The following UROC1 variants were observed in gnomAD, a reference collection of about 807,000 sequenced individuals.
The protein encoded by UROC1 is urocanate hydratase.
UROC1 carries 79 observed loss-of-function variants against 89.5 expected under a neutral mutation model. The ratio of observed to expected loss-of-function variants is 0.88; its 90% CI spans 0.74 to 1.06. The LOEUF (loss-of-function observed/expected upper bound fraction) is 1.06. UROC1 is among the 50% of genes least tolerant of loss of function. UROC1 has a pLI of 0.00. For missense variants in UROC1, 885 were observed against 907.8 expected, an observed-to-expected ratio of 0.97 and a Z score of 0.32; for synonymous variants, 361 against 354.8, an observed-to-expected ratio of 1.02 and a Z score of -0.20.
At chr3:126,500,301 C>T in intron 11 of UROC1, 147 bp from the exon 12 acceptor site, 1 of 774,810 alleles carries the variant, frequency 1.3e-6, no homozygotes, top group Non-Finnish European at 2.2e-6. Context: ...CACCACACAC[C>T]TGGAATGCCC....
intron 9 of UROC1, among the ~76,000 whole-genome samples, chr3:126,503,744 C>A (rs370734718): frequency 2.0e-5 from 3 of 152,260 alleles, no homozygotes; most frequent in African/African-American, 4.8e-5. Context: ...TGGCTGCAGC[C>A]GGCAATGACG....
chr3:126,496,130 G>C, intron 14 of UROC1, 22 bp from the exon 15 acceptor site: 1 of 1,609,960 alleles, frequency 6.2e-7, no homozygotes, highest in Non-Finnish European at 8.5e-7. Context: ...AGGACAGCAG[G>C]CGTCAGAGAC....
chr3:126,512,781 T>G (rs568469569), intron 1 of UROC1, among the ~76,000 whole-genome samples: 70 of 152,302 alleles, frequency 4.6e-4, no homozygotes, highest in Non-Finnish European at 5.6e-4. Flanking sequence ...TAAACCAGGA[T>G]AGTCTTGTAT....
chr3:126,502,354 T>C (rs1341283225), intron 9 of UROC1, among the ~76,000 whole-genome samples: 4 of 141,214 alleles, frequency 2.8e-5, no homozygotes, highest in African/African-American at 9.5e-5. Flanking sequence ...TGTGTGTTTG[T>C]GTTACATGCA....
chr3:126,493,455 C>A (rs904955076), intron 15 of UROC1, among the ~76,000 whole-genome samples: 3 of 152,194 alleles, frequency 2.0e-5, no homozygotes, highest in Admixed American at 6.5e-5. Context: ...GAAATTCCAA[C>A]CCATGCTACA....
At chr3:126,483,644 G>A (rs1375328203) in intron 18 of UROC1, among the ~76,000 whole-genome samples, 176 bp from the exon 19 acceptor site, 1 of 152,258 alleles carries the variant, frequency 6.6e-6, no homozygotes. Flanking sequence ...ACAGCTGGGA[G>A]CAGCGTGGTT....
At chr3:126,491,734 G>A (rs1265942328) in intron 16 of UROC1, among the ~76,000 whole-genome samples, 2 of 152,252 alleles carry the variant, frequency 1.3e-5, no homozygotes, top group Non-Finnish European at 2.9e-5. Context: ...TTCCGTCCTC[G>A]AGACGGGCTT....
intron 18 of UROC1, among the ~76,000 whole-genome samples, chr3:126,483,903 G>A (rs1935451711): frequency 6.6e-6 from 1 of 152,182 alleles, no homozygotes; most frequent in Admixed American, 6.5e-5. Context: ...TTTTTTTAGA[G>A]ATGGTATCTC....
At chr3:126,495,067 G>C (rs923397644) in intron 15 of UROC1, among the ~76,000 whole-genome samples, 1 of 152,166 alleles carries the variant, frequency 6.6e-6, no homozygotes, top group Admixed American at 6.5e-5. Flanking sequence ...AGGCAGCCTG[G>C]CTCTAGAGCC....
intron 16 of UROC1, among the ~76,000 whole-genome samples, 157 bp downstream of exon 16, chr3:126,492,261 A>C (rs543802578): frequency 5.0e-4 from 76 of 152,278 alleles, no homozygotes; most frequent in African/African-American, 1.8e-3. Flanking sequence ...GGGCTGGTCC[A>C]CTGCTCCTGA....
At chr3:126,517,537 G>T in intron 1 of UROC1, 57 bp downstream of exon 1, 1 of 1,611,950 alleles carries the variant, frequency 6.2e-7, no homozygotes, top group South Asian at 1.1e-5. Flanking sequence ...GCTCACTATG[G>T]ACCACCTGGA....
chr3:126,511,756 T>G (rs934490737), intron 1 of UROC1, among the ~76,000 whole-genome samples: 2 of 152,254 alleles, frequency 1.3e-5, no homozygotes, highest in African/African-American at 2.4e-5. Flanking sequence ...CAAAGGAGAT[T>G]CTGGCAATTT....
At position 126,499,426 on chromosome 3, in the gene UROC1, G is replaced by A. The variant is rs966457279; in HGVS notation, c.1244-17C>T. The A allele has an allele frequency of 6.2e-7, 1 of 1,607,384 alleles. No homozygotes were observed. Among genetic ancestry groups the A allele is most frequent in the Non-Finnish European group, 8.5e-7 (1 of 1,177,098 alleles). On this transcript the variant is annotated splice_polypyrimidine_tract_variant and intron_variant, in intron 12 of 19. Transcript: ENST00000290868. ...CATCCGCTCCTGTGGGCAGAGCCCG[G>A]ACAGTCACCACCCAAGGCAGGACAC...
Position 126,510,789 on chromosome 3 carries a change from C to T in UROC1, c.132G>A (p.Ala44=), listed in dbSNP as rs146351941. Residue 44 remains alanine, a synonymous_variant, in exon 2 of 20, where the codon GCG becomes GCA. Coordinates refer to ENST00000290868, the MANE Select transcript of UROC1 (RefSeq NM_144639.3). ...GGAAGTAGCGCAGGGCGTTCCTCAG[C>T]GCCAGCTGGGGTAGGAGAGCGGAGA... The part of the protein sequence containing the change: ...PSLSPVEKQL[A]LRNALRYFPP... 1,954 of 1,613,264 alleles carry T rather than the reference C, an allele frequency of 1.2e-3. 18 individuals are homozygous for T. In the African/African-American group the frequency reaches 0.022, roughly 18 times the overall value.
intron 9 of UROC1, 21 bp from the exon 10 acceptor site, chr3:126,501,301 A>C: frequency 5.0e-6 from 8 of 1,613,734 alleles, no homozygotes; most frequent in Non-Finnish European, 6.8e-6. Context: ...ACAAAAGCAG[A>C]ACAGGTGCCC....
chr3:126,507,866 G>A, intron 5 of UROC1, 63 bp from the exon 6 acceptor site: 1 of 1,612,876 alleles, frequency 6.2e-7, no homozygotes, highest in Non-Finnish European at 8.5e-7. Context: ...ACAGAGCCCT[G>A]GGGATGATGC....
At chr3:126,515,250 G>A (rs2107552840) in intron 1 of UROC1, among the ~76,000 whole-genome samples, 2 of 152,146 alleles carry the variant, frequency 1.3e-5, no homozygotes, top group East Asian at 3.9e-4. Context: ...TTGAGGCATT[G>A]GCGCCCAGCA....
chr3:126,514,878 G>A (rs1041119427), intron 1 of UROC1, among the ~76,000 whole-genome samples: 1 of 151,908 alleles, frequency 6.6e-6, no homozygotes, highest in African/African-American at 2.4e-5. Flanking sequence ...GACTTCAGAA[G>A]GTGAACTGGG....
intron 18 of UROC1, among the ~76,000 whole-genome samples, chr3:126,486,446 G>A (rs1326952068): frequency 2.0e-5 from 3 of 152,354 alleles, no homozygotes; most frequent in East Asian, 1.9e-4. Context: ...CGGTCCAAAC[G>A]TCCACCTGAG....
Sources: gnomAD v4.1 joint callset for allele counts (sites outside exome capture counted in the v4.1 genomes callset) on GRCh38, gnomAD v4.1.1 for gene constraint, MANE v1.5 for transcripts, NCBI Gene and HGNC (gene_info 2026-07-23, HGNC 2026-07-21) for gene names.